CTNNA3: variants seen among roughly 807,000 people sequenced by gnomAD.
CTNNA3 encodes catenin alpha-3.
Under a neutral mutation model 95.7 loss-of-function variants are expected in CTNNA3, and 76 were observed. That is an observed-to-expected ratio of 0.79 (90% CI 0.66 to 0.96). The LOEUF (loss-of-function observed/expected upper bound fraction) is 0.96. Among genes scored for constraint, CTNNA3 ranks in the 40% least tolerant of loss-of-function variants. The pLI is 0.00. For synonymous variants in CTNNA3, 431 were observed against 374.4 expected (o/e 1.15, Z -1.74); for missense variants, 1,191 against 1,089.8 (o/e 1.09, Z -1.31).
intron 3 of CTNNA3, among the ~76,000 whole-genome samples, chr10:67,577,615 G>T (rs1484409612): frequency 6.6e-6 from 1 of 151,288 alleles, no homozygotes; most frequent in Non-Finnish European, 1.5e-5. Flanking sequence ...TGTCCTGAAT[G>T]GTAATGCCTA....
Position 67,632,487 on chromosome 10 carries a change from G to C in CTNNA3, c.99+14928C>G, listed in dbSNP as rs543763971. On this transcript the variant is annotated intron_variant, in intron 2 of 17. Transcript: ENST00000433211. ...TCAGCACCTTCAACTGAAGTATCCAGGTTCTTGCATTAGGGCTGACTAGGC... is the reference window on the plus strand; with the variant it reads ...TCAGCACCTTCAACTGAAGTATCCACGTTCTTGCATTAGGGCTGACTAGGC... Among the ~76,000 whole-genome samples the C allele has an allele frequency of 2.6e-5, 4 of 152,178 alleles. No homozygotes were observed. The East Asian group carries it at 7.7e-4, about 29-fold the overall frequency.
At chr10:66,325,230 AGTATTGACTGTTTTCT>A (rs1388904045) in intron 12 of CTNNA3, among the ~76,000 whole-genome samples, 1 of 152,116 alleles carries the variant, frequency 6.6e-6, no homozygotes, top group Non-Finnish European at 1.5e-5. Flanking sequence ...GTTTTTGTTT[AGTATTGACTGTTTTCT>A]GTACATTAAA....
chr10:67,410,331 AAC>A (rs1359797536), intron 5 of CTNNA3, among the ~76,000 whole-genome samples: 1 of 152,050 alleles, frequency 6.6e-6, no homozygotes, highest in African/African-American at 2.4e-5. Flanking sequence ...TGGGGGGAAC[AAC>A]ACACACTGGG....
chr10:66,661,256 G>T (rs2132443072), intron 9 of CTNNA3, among the ~76,000 whole-genome samples: 1 of 152,242 alleles, frequency 6.6e-6, no homozygotes, highest in African/African-American at 2.4e-5. Flanking sequence ...TGGATTTATA[G>T]TTCCACATGG....
At chr10:67,054,108 C>A (rs1011639060) in intron 7 of CTNNA3, among the ~76,000 whole-genome samples, 1 of 152,114 alleles carries the variant, frequency 6.6e-6, no homozygotes, top group African/African-American at 2.4e-5. Flanking sequence ...TAGTATCCAT[C>A]GCTCCTTTAT....
chr10:66,891,847 T>A (rs1046877397), intron 7 of CTNNA3, among the ~76,000 whole-genome samples: 1 of 152,150 alleles, frequency 6.6e-6, no homozygotes, highest in Non-Finnish European at 1.5e-5. Flanking sequence ...GCTAGAAATC[T>A]CTTAATGCCT....
intron 13 of CTNNA3, among the ~76,000 whole-genome samples, chr10:66,176,497 T>C (rs1053359254): frequency 2.0e-5 from 3 of 152,152 alleles, no homozygotes; most frequent in Admixed American, 6.6e-5. Flanking sequence ...CTTACTATTC[T>C]TTAAAAGTCT....
intron 12 of CTNNA3, among the ~76,000 whole-genome samples, chr10:66,328,931 T>TATATATATATATATATATATATAC (rs1410607908): frequency 8.3e-6 from 1 of 119,970 alleles, no homozygotes; most frequent in Admixed American, 8.3e-5. Flanking sequence ...TATATATATA[T>TATATATATATATATATATATATAC]ATACACACAC....
At chr10:66,117,062 C>T (rs952587193) in intron 13 of CTNNA3, among the ~76,000 whole-genome samples, 5 of 152,078 alleles carry the variant, frequency 3.3e-5, no homozygotes, top group Admixed American at 6.6e-5. Flanking sequence ...ACTTGCCAGT[C>T]AATCTGTAGT....
chr10:67,100,223 T>G (rs182657690), intron 7 of CTNNA3, among the ~76,000 whole-genome samples: 2 of 151,702 alleles, frequency 1.3e-5, no homozygotes, highest in Non-Finnish European at 3.0e-5. Context: ...TTTAAATTCA[T>G]CTAAAGTGAA....
intron 6 of CTNNA3, among the ~76,000 whole-genome samples, chr10:67,215,842 T>A (rs968472318): frequency 5.9e-5 from 9 of 152,158 alleles, no homozygotes; most frequent in African/African-American, 1.9e-4. Context: ...GTTCACAGTC[T>A]TTCAAGATTC....
intron 7 of CTNNA3, among the ~76,000 whole-genome samples, chr10:67,179,893 A>G (rs1324144995): frequency 6.6e-6 from 1 of 152,130 alleles, no homozygotes; most frequent in Non-Finnish European, 1.5e-5. Context: ...GCCTTCAAAC[A>G]TAGCTCATGA....
chr10:67,005,052 A>G (rs1330461019), intron 7 of CTNNA3, among the ~76,000 whole-genome samples: 1 of 152,216 alleles, frequency 6.6e-6, no homozygotes, highest in Non-Finnish European at 1.5e-5. Context: ...AATAGTACAC[A>G]ATGTGGGATT....
At chr10:67,120,436 GAGA>G (rs1859402656) in intron 7 of CTNNA3, among the ~76,000 whole-genome samples, 1 of 151,902 alleles carries the variant, frequency 6.6e-6, no homozygotes, top group Admixed American at 6.6e-5. Flanking sequence ...AAGTTGAAGG[GAGA>G]AGAAGTATCC....
chr10:66,130,865 A>C (rs1456190412), intron 13 of CTNNA3, among the ~76,000 whole-genome samples: 1 of 129,628 alleles, frequency 7.7e-6, no homozygotes, highest in Non-Finnish European at 1.6e-5. Flanking sequence ...AAAAACAAAC[A>C]AAAAAAAAAA....
intron 7 of CTNNA3, among the ~76,000 whole-genome samples, chr10:66,963,244 G>A (rs1240656101): frequency 6.6e-6 from 1 of 152,178 alleles, no homozygotes; most frequent in Non-Finnish European, 1.5e-5. Flanking sequence ...TTATGCCATG[G>A]AAGAGCAAGC....
intron 17 of CTNNA3, among the ~76,000 whole-genome samples, chr10:65,948,026 C>A (rs112145833): frequency 0.021 from 3,169 of 152,200 alleles, 110 homozygotes; most frequent in African/African-American, 0.073. Flanking sequence ...GCCTGTAATC[C>A]CAGCACTTTG....
At chr10:66,137,146 T>A (rs1401067796) in intron 13 of CTNNA3, among the ~76,000 whole-genome samples, 1 of 152,124 alleles carries the variant, frequency 6.6e-6, no homozygotes, top group Non-Finnish European at 1.5e-5. Context: ...ATGACCATGT[T>A]TAACAACTAG....
At chr10:67,472,607 C>T (rs963038387) in intron 5 of CTNNA3, among the ~76,000 whole-genome samples, 1 of 152,194 alleles carries the variant, frequency 6.6e-6, no homozygotes, top group African/African-American at 2.4e-5. Flanking sequence ...GCTCCCTGCT[C>T]CTTTCCCAGA....
Sources: allele counts gnomAD v4.1 joint callset (sites outside exome capture counted in the v4.1 genomes callset), GRCh38; gene constraint gnomAD v4.1.1; transcripts MANE v1.5; gene names NCBI Gene and HGNC (gene_info 2026-07-23, HGNC 2026-07-21).